DTNBP1: variants seen among roughly 807,000 people sequenced by gnomAD.
DTNBP1 encodes the protein dysbindin.
DTNBP1 carries 35 observed loss-of-function variants against 42.8 expected under a neutral mutation model. The ratio of observed to expected loss-of-function variants is 0.82; its 90% CI spans 0.63 to 1.09. DTNBP1 has a LOEUF of 1.09. DTNBP1 is among the 50% of genes least tolerant of loss of function. The probability of loss-of-function intolerance (pLI) is 0.00; values close to 1 mark genes in which losing one functional copy is unlikely to be tolerated. For missense variants in DTNBP1, 457 were observed against 424.2 expected, an observed-to-expected ratio of 1.08 and a Z score of -0.68; for synonymous variants, 171 against 162.2, an observed-to-expected ratio of 1.05 and a Z score of -0.41.
intron 5 of DTNBP1, among the ~76,000 whole-genome samples, chr6:15,623,790 T>C (rs1216862858): frequency 6.6e-6 from 1 of 152,210 alleles, no homozygotes; most frequent in East Asian, 1.9e-4. Context: ...TAAAAAGCAC[T>C]GTGGTTTTTC....
At chr6:15,646,658 T>C (rs936208211) in intron 3 of DTNBP1, among the ~76,000 whole-genome samples, 3 of 151,954 alleles carry the variant, frequency 2.0e-5, no homozygotes, top group Non-Finnish European at 2.9e-5. Flanking sequence ...ATAGTACTAG[T>C]ATAAAAATAG....
At chr6:15,596,391 C>T (rs1338451644) in intron 6 of DTNBP1, among the ~76,000 whole-genome samples, 2 of 152,176 alleles carry the variant, frequency 1.3e-5, no homozygotes, top group South Asian at 2.1e-4. Context: ...CACTCTTGAA[C>T]CCATTCCAAT....
At position 15,524,754 on chromosome 6, in the gene DTNBP1, C is replaced by T. The variant is rs1772247602; in HGVS notation, c.668-85G>A. The T allele has an allele frequency of 1.9e-6, 3 of 1,562,282 alleles. No individual in the cohort carries two copies. In the African/African-American group the frequency reaches 4.1e-5, roughly 21 times the overall value. ...ACTTCCATTGGCATTAGGCTAACTA[C>T]ATTGCATTTCCTAAGCTTCCTTCAA... On this transcript the variant is annotated intron_variant, in intron 8 of 9. Transcript: ENST00000344537.
chr6:15,628,029 T>C (rs1247459580), intron 4 of DTNBP1, among the ~76,000 whole-genome samples: 1 of 152,134 alleles, frequency 6.6e-6, no homozygotes, highest in Non-Finnish European at 1.5e-5. Flanking sequence ...AAAGAGGAAA[T>C]GATTTAAGTT....
At chr6:15,601,588 T>C (rs865961506) in intron 6 of DTNBP1, among the ~76,000 whole-genome samples, 41 of 151,962 alleles carry the variant, frequency 2.7e-4, no homozygotes, top group Admixed American at 9.2e-4. Context: ...ATATCAGTTA[T>C]AATAAGAATT....
At chr6:15,621,834 C>A (rs186434360) in intron 5 of DTNBP1, among the ~76,000 whole-genome samples, 1 of 152,276 alleles carries the variant, frequency 6.6e-6, no homozygotes, top group East Asian at 1.9e-4. Context: ...CTCTGCCTGT[C>A]CCTAACCCCG....
intron 1 of DTNBP1, among the ~76,000 whole-genome samples, chr6:15,653,999 C>A (rs954687193): frequency 1.3e-5 from 2 of 152,162 alleles, no homozygotes; most frequent in Non-Finnish European, 2.9e-5. Flanking sequence ...TCTGATTAAG[C>A]ACCATATGGG....
At chr6:15,531,087 G>A (rs557762333) in intron 8 of DTNBP1, among the ~76,000 whole-genome samples, 24 of 152,252 alleles carry the variant, frequency 1.6e-4, no homozygotes, top group African/African-American at 4.3e-4. Flanking sequence ...TGTTGGCCAC[G>A]TGCACACATA....
rs1487956575 is a variant in DTNBP1, at chr6:15,524,530, G to A, written c.807C>T (p.Ala269=). The change falls in exon 9 of 10, where the codon GCC becomes GCT. Residue 269 remains alanine, a synonymous_variant. Coordinates refer to ENST00000344537, the MANE Select transcript of DTNBP1 (RefSeq NM_032122.5). ...GGEENTVLSP[A]LGPESSTCQN... The stretch of plus-strand genomic sequence containing the variant: ...ATGCAAGTTTGTCAACCCTACCTAA[G>A]GCGGGGGACAGCACAGTGTTCTCTT... 6.2e-7 allele frequency: 1 copy of A among 1,607,894 alleles called. No individual in the cohort carries two copies. Among genetic ancestry groups the A allele is most frequent in the Admixed American group, 1.7e-5 (1 of 59,802 alleles).
intron 3 of DTNBP1, among the ~76,000 whole-genome samples, chr6:15,638,073 T>C (rs1038913195): frequency 2.6e-5 from 4 of 151,818 alleles, no homozygotes; most frequent in African/African-American, 4.9e-5. Flanking sequence ...AATAATTGAA[T>C]AAATAAATCA....
At chr6:15,558,953 T>C (rs1185605454) in intron 7 of DTNBP1, among the ~76,000 whole-genome samples, 1 of 152,262 alleles carries the variant, frequency 6.6e-6, no homozygotes, top group African/African-American at 2.4e-5. Context: ...TTTTTGCTAA[T>C]GACTTACTAC....
intron 7 of DTNBP1, among the ~76,000 whole-genome samples, chr6:15,589,856 C>T (rs11962072): frequency 2.6e-5 from 4 of 152,238 alleles, no homozygotes; most frequent in African/African-American, 9.6e-5. Flanking sequence ...GATCCCATCT[C>T]ATTACATTTT....
intron 5 of DTNBP1, 64 bp downstream of exon 5, chr6:15,627,279 A>G: frequency 6.3e-7 from 1 of 1,599,028 alleles, no homozygotes; most frequent in Non-Finnish European, 8.5e-7. Context: ...CTGAAATTAC[A>G]CCAAACCCTG....
intron 1 of DTNBP1, among the ~76,000 whole-genome samples, chr6:15,652,370 C>T (rs1348040921): frequency 6.6e-6 from 1 of 151,870 alleles, no homozygotes; most frequent in African/African-American, 2.4e-5. Flanking sequence ...TTAGTGGAGA[C>T]GGAGTCTTGC....
chr6:15,651,380 C>G lies in DTNBP1; in HGVS notation c.111-17G>C. ...GGAACAGTCCTGCCCAAAAGAAACA[C>G]TTATTAAAACTGTTCTTGATTTAGC... On this transcript the variant is annotated splice_polypyrimidine_tract_variant and intron_variant, in intron 2 of 9. Transcript: ENST00000344537. 2 of 1,606,438 alleles carry G rather than the reference C, an allele frequency of 1.2e-6. No individual in the cohort carries two copies. The highest frequency in any genetic ancestry group is 1.7e-6 in the Non-Finnish European group (2 of 1,177,810).
chr6:15,626,750 TTTGTTG>T (rs958318566), intron 5 of DTNBP1, among the ~76,000 whole-genome samples: 1 of 152,098 alleles, frequency 6.6e-6, no homozygotes, highest in Admixed American at 6.5e-5. Context: ...CCTAATTTAC[TTTGTTG>T]TTGTTGTTGT....
chr6:15,596,288 C>T (rs773966081), intron 6 of DTNBP1, among the ~76,000 whole-genome samples: 6 of 152,148 alleles, frequency 3.9e-5, no homozygotes, highest in Non-Finnish European at 7.3e-5. Context: ...ATTGCTGAAA[C>T]AGGAAGACTG....
intron 6 of DTNBP1, among the ~76,000 whole-genome samples, chr6:15,602,342 G>A (rs776939830): frequency 2.0e-5 from 3 of 152,090 alleles, no homozygotes; most frequent in Non-Finnish European, 2.9e-5. Flanking sequence ...CTTCACCATG[G>A]TTCTTGCTTA....
chr6:15,605,409 T>C (rs564065323), intron 6 of DTNBP1, among the ~76,000 whole-genome samples: 56 of 152,276 alleles, frequency 3.7e-4, no homozygotes, highest in African/African-American at 1.3e-3. Context: ...GATCCTCATA[T>C]GACTGCCATC....
Sources: allele counts gnomAD v4.1 joint callset (sites outside exome capture counted in the v4.1 genomes callset), GRCh38; gene constraint gnomAD v4.1.1; transcripts MANE v1.5; gene names NCBI Gene and HGNC (gene_info 2026-07-23, HGNC 2026-07-21).